Variants in NACA observed in about 807,000 individuals in gnomAD.
NACA encodes nascent polypeptide-associated complex subunit alpha.
NACA carries 42 observed loss-of-function variants against 86.4 expected under a neutral mutation model. That is an observed-to-expected ratio of 0.49 (90% CI 0.38 to 0.63). NACA has a LOEUF of 0.63. NACA is among the 20% of genes least tolerant of loss of function. The pLI is 0.00. For synonymous variants in NACA, 898 were observed against 973.7 expected, an observed-to-expected ratio of 0.92 and a Z score of 1.45; for missense variants, 2,157 against 2,483.6, an observed-to-expected ratio of 0.87 and a Z score of 2.80.
intron 2 of NACA, among the ~76,000 whole-genome samples, chr12:56,722,454 C>A (rs575166407): frequency 8.5e-5 from 13 of 152,176 alleles, no homozygotes; most frequent in Non-Finnish European, 1.8e-4. Flanking sequence ...CTTCGGGATG[C>A]CTGGGAGGGC....
In NACA at chr12:56,718,013, T is replaced by C. The variant is rs1468288438; in HGVS notation, c.3517A>G (p.Thr1173Ala). Residue 1173 changes from threonine (T) to alanine (A), a missense_variant, in exon 3 of 9, where the codon ACA (threonine) becomes GCA (alanine). Physicochemically the swap from Thr to Ala is moderately conservative, Grantham distance 58. Coordinates refer to ENST00000454682, the MANE Select transcript of NACA (RefSeq NM_001365896.1). ...GAAGGAGGAGTTGCAGCTGGGGTTG[T>C]GGGGGCCCCTTTTGGGGGTGGGGTA... The part of the protein sequence containing the change: ...LATPPPKGAP[T>A]TPAATPPSPK... 9.4e-7 allele frequency: 1 copy of C among 1,066,856 alleles called. No homozygotes were observed. The highest frequency in any genetic ancestry group is 1.1e-6 in the Non-Finnish European group (1 of 879,532). 66.1% of individuals were successfully genotyped at this position (1,066,856 alleles called of 1,614,324 possible). A position where few individuals can be genotyped will look rare whatever the true frequency, so the allele number is the denominator to read the frequency against.
Position 56,718,452 on chromosome 12 carries a change from G to T in NACA, c.3078C>A (p.Thr1026=). ...PPSPKGSPAA[T]PFPKGASTPP... is the part of the protein sequence containing the mutation. ...GTGTGGATGCCCCTTTGGGGAATGG[G>T]GTAGCTGCTGGACTTCCTTTGGGGG... Residue 1026 remains threonine (T), a synonymous_variant, in exon 3 of 9, where the codon ACC becomes ACA. Coordinates refer to ENST00000454682, the MANE Select transcript of NACA (RefSeq NM_001365896.1). 1 of 1,237,744 alleles carries T rather than the reference G, an allele frequency of 8.1e-7. No homozygotes were observed. Among genetic ancestry groups the T allele is most frequent in the Non-Finnish European group, 1.0e-6 (1 of 972,908 alleles). 76.7% of individuals were successfully genotyped at this position (1,237,744 alleles called of 1,614,324 possible).
chr12:56,715,181 A>T (rs867669937), intron 3 of NACA, among the ~76,000 whole-genome samples: 5 of 152,236 alleles, frequency 3.3e-5, no homozygotes, highest in Admixed American at 6.5e-5. Context: ...AGACACGTAC[A>T]CATATTCAGC....
chr12:56,715,469 G>A (rs1219598074), intron 3 of NACA, among the ~76,000 whole-genome samples: 2 of 152,068 alleles, frequency 1.3e-5, no homozygotes, highest in Non-Finnish European at 2.9e-5. Context: ...AATACAAATA[G>A]TTCAATTCTC....
At position 56,716,944 on chromosome 12, in the gene NACA, G is replaced by A; in HGVS notation, c.4586C>T (p.Pro1529Leu). The stretch of plus-strand genomic sequence containing the variant: ...CTTTTTAGAGAGAAGAGTCGCTGTT[G>A]GGGCAATGGGGTCCCTTCTGGAGGA... The part of the protein sequence containing the change: ...TPSSRRDPIA[P>L]TATLLSKKTP... The change falls in exon 3 of 9, where the codon CCA (proline) becomes CTA (leucine). Residue 1529 changes from proline (P) to leucine (L), a missense_variant. Pro to Leu is a moderately conservative substitution (Grantham distance 98). Around this residue, in one of 8 missense-constraint regions of NACA, gnomAD observed 797 missense variants for 777.6 expected, o/e 1.02. Transcript: ENST00000454682. 7.7e-7 allele frequency: 1 copy of A among 1,299,762 alleles called. No individual in the cohort carries two copies. The highest frequency in any genetic ancestry group is 1.0e-6 in the Non-Finnish European group (1 of 1,004,126). The allele number at this position is 1,299,762 out of a possible 1,614,324, so 80.5% of individuals were successfully genotyped here.
Position 56,717,303 on chromosome 12 carries a change from A to G in NACA, c.4227T>C (p.Pro1409=). The change falls in exon 3 of 9, where the codon CCT becomes CCC. Residue 1409 remains proline, a synonymous_variant. Coordinates refer to ENST00000454682, the MANE Select transcript of NACA (RefSeq NM_001365896.1). ...KGDPTSPAVI[P]LSPKKAPATP... ...TTGCTGGAGCCTTTTTGGGGGAGAG[A>G]GGAATCACTGCTGGGGAAGTGGGGT... 2 of 1,319,506 alleles carry G rather than the reference A, an allele frequency of 1.5e-6. No individual in the cohort carries two copies. The highest frequency in any genetic ancestry group is 3.6e-5 in the East Asian group (1 of 27,722). 81.7% of individuals were successfully genotyped at this position (1,319,506 alleles called of 1,614,324 possible). A position where few individuals can be genotyped will look rare whatever the true frequency, so the allele number is the denominator to read the frequency against.
rs760450991 is a variant in NACA at position 56,719,968 on chromosome 12, G to C, written c.1562C>G (p.Ser521Ter). 1.2e-6 allele frequency: 2 copies of C among 1,613,892 alleles called. No homozygotes were observed. Among genetic ancestry groups the C allele is most frequent in the Admixed American group, 3.3e-5 (2 of 60,002 alleles). Residue 521 changes from serine to a stop codon, truncating the protein, a stop_gained, in exon 3 of 9, where the codon TCA (serine) becomes TGA (stop). Transcript: ENST00000454682. LOFTEE classifies it high-confidence loss of function. ...DPEDLKNLPSSVLVKFPTQKD... is the reference protein window; with the variant it reads ...DPEDLKNLPS The stretch of plus-strand genomic sequence containing the variant: ...TTGTGTTGGAAATTTAACCAATACT[G>C]AACTGGGGAGATTTTTGAGGTCTTC...
Position 56,719,924 on chromosome 12 carries a change from G to A in NACA, c.1606C>T (p.Pro536Ser). The A allele has an allele frequency of 6.2e-7, 1 of 1,613,940 alleles. No homozygotes were observed. The change falls in exon 3 of 9, where the codon CCT (proline) becomes TCT (serine). Residue 536 changes from proline (P) to serine (S), a missense_variant. Around this residue, in one of 8 missense-constraint regions of NACA, gnomAD observed 947 missense variants for 917.9 expected, o/e 1.03. Coordinates refer to ENST00000454682, the MANE Select transcript of NACA (RefSeq NM_001365896.1). ...AAAGGGGCTCCTTCAAGAGAGGCAGGTACAGTTTGGAGGTCTTTTTGTGTT... is the reference window on the plus strand; with the variant it reads ...AAAGGGGCTCCTTCAAGAGAGGCAGATACAGTTTGGAGGTCTTTTTGTGTT... ...FPTQKDLQTV[P>S]ASLEGAPFSP...
chr12:56,721,504 G>C, intron 2 of NACA, 45 bp from the exon 3 acceptor site: 190 of 1,246,378 alleles, frequency 1.5e-4, no homozygotes, highest in Non-Finnish European at 1.9e-4. Flanking sequence ...AGGGGGAGGA[G>C]AAAAAAGGTG....
Position 56,717,113 on chromosome 12 carries a change from G to T in NACA, c.4417C>A (p.Pro1473Thr). 8.0e-7 allele frequency: 1 copy of T among 1,250,926 alleles called. No individual in the cohort carries two copies. 77.5% of individuals were successfully genotyped at this position (1,250,926 alleles called of 1,614,324 possible). Residue 1473 changes from proline (P) to threonine (T), a missense_variant, in exon 3 of 9, where the codon CCT (proline) becomes ACT (threonine). Coordinates refer to ENST00000454682, the MANE Select transcript of NACA (RefSeq NM_001365896.1). Reference protein sequence around the residue: ...GDPTLPAVTPPSPKEPPAPKQ... With the variant: ...GDPTLPAVTPTSPKEPPAPKQ... Reference sequence around the variant, plus strand: ...GGGGCTGGGGGCTCCTTGGGGGAAGGAGGAGTCACTGCTGGGAGGGTGGGA... The same window carrying T: ...GGGGCTGGGGGCTCCTTGGGGGAAGTAGGAGTCACTGCTGGGAGGGTGGGA...
chr12:56,724,666 C>T, intron 1 of NACA, 143 bp from the exon 2 acceptor site: 3 of 784,058 alleles, frequency 3.8e-6, no homozygotes, highest in Non-Finnish European at 6.2e-6. Flanking sequence ...TTCCCCAAAG[C>T]ACCTGGGAAT....
At position 56,721,468 on chromosome 12, in the gene NACA, AG is replaced by A; in HGVS notation, c.71-10del. 6.8e-7 allele frequency: 1 copy of A among 1,475,836 alleles called. No homozygotes were observed. 91.4% of individuals were successfully genotyped at this position (1,475,836 alleles called of 1,614,324 possible). A position where few individuals can be genotyped will look rare whatever the true frequency, so the allele number is the denominator to read the frequency against. ...AGACATAGGTAGCACAGCTGGAGAA[AG>A]GCAAAAGGAGATAAAGAAAGGGGGA... On this transcript the variant is annotated splice_polypyrimidine_tract_variant and intron_variant, in intron 2 of 8. Transcript: ENST00000454682.
rs746461737 is a variant in NACA, at chr12:56,719,370, AGGAGCACAGGTATTCTGGGGGGAT to A, written c.2136_2159del (p.Ser713_Pro720del). ...CAGGGGCCAGCACTAAGGTAGCCAG[AGGAGCACAGGTATTCTGGGGGGAT>A]GGAGCCACAGGGCAATTTTCTGAAG... On this transcript the variant is annotated inframe_deletion, in exon 3 of 9. Transcript: ENST00000454682. 112 of 1,610,522 alleles carry A rather than the reference AGGAGCACAGGTATTCTGGGGGGAT, an allele frequency of 7.0e-5. No homozygotes were observed. Among genetic ancestry groups the A allele is most frequent in the Middle Eastern group, 1.6e-4 (1 of 6,072 alleles).
At position 56,719,692 on chromosome 12, in the gene NACA, C is replaced by G; in HGVS notation, c.1838G>C (p.Gly613Ala). 6.2e-7 allele frequency: 1 copy of G among 1,613,860 alleles called. No individual in the cohort carries two copies. Among genetic ancestry groups the G allele is most frequent in the South Asian group, 1.1e-5 (1 of 91,082 alleles). The change falls in exon 3 of 9, where the codon GGT becomes GCT. Residue 613 changes from glycine to alanine, a missense_variant. Physicochemically the swap from Gly to Ala is moderately conservative, Grantham distance 60. Around this residue, in one of 8 missense-constraint regions of NACA, gnomAD observed 947 missense variants for 917.9 expected, o/e 1.03. Coordinates refer to ENST00000454682, the MANE Select transcript of NACA (RefSeq NM_001365896.1). The part of the protein sequence containing the change: ...KPASSMTSPL[G>A]VNSSASVIKT... ...GATTACAGAGGCCGAGGAGTTAACA[C>G]CCAGAGGGGAGGTCATACTGCTGGC...
rs548453622 is a variant in NACA, at chr12:56,715,972, A to G, written c.5558T>C (p.Val1853Ala). The change falls in exon 3 of 9, where the codon GTG becomes GCG. Residue 1853 changes from valine to alanine, a missense_variant. Transcript: ENST00000454682. Reference protein sequence around the residue: ...LIPPEPISGGVPFQSVLVNMP... With the variant: ...LIPPEPISGGAPFQSVLVNMP... ...GTTGACGAGGACCGACTGGAAAGGC[A>G]CTCCCCCAGAGATTGGTTCCGGGGG... is the stretch of plus-strand genomic sequence containing the variant. 1.4e-5 allele frequency: 22 copies of G among 1,560,266 alleles called. No homozygotes were observed. The East Asian group carries it at 5.0e-4, about 35-fold the overall frequency.
rs770273340 is a variant in NACA at position 56,718,342 on chromosome 12, G to A, written c.3188C>T (p.Thr1063Ile). 1.6e-5 allele frequency: 19 copies of A among 1,162,978 alleles called. No homozygotes were observed. Among genetic ancestry groups the A allele is most frequent in the Non-Finnish European group, 2.0e-5 (19 of 927,380 alleles). 72.0% of individuals were successfully genotyped at this position (1,162,978 alleles called of 1,614,324 possible). Residue 1063 changes from threonine (T) to isoleucine (I), a missense_variant, in exon 3 of 9, where the codon ACT (threonine) becomes ATT (isoleucine). This residue lies in a region of NACA where 124 missense variants were observed against 186.5 expected (regional missense o/e 0.66). Coordinates refer to ENST00000454682, the MANE Select transcript of NACA (RefSeq NM_001365896.1). ...PKGAPTTPAA[T>I]LPSPKGGPAT... ...TGGACCTCCTTTTGGGGAGGGAAGA[G>A]TTGCAGCTGGGGTTGTGGGGGCCCC...
chr12:56,713,391 A>G, intron 6 of NACA, 146 bp downstream of exon 6: 2 of 1,246,916 alleles, frequency 1.6e-6, no homozygotes, highest in Non-Finnish European at 2.2e-6. Flanking sequence ...CTCCCAGGAG[A>G]TATATGGCAA....
At position 56,718,630 on chromosome 12, in the gene NACA, G is replaced by T; in HGVS notation, c.2900C>A (p.Ala967Asp). 7.5e-7 allele frequency: 1 copy of T among 1,329,420 alleles called. No homozygotes were observed. Among genetic ancestry groups the T allele is most frequent in the Admixed American group, 2.7e-5 (1 of 37,608 alleles). 82.4% of individuals were successfully genotyped at this position (1,329,420 alleles called of 1,614,324 possible). ...PSPKWAPTPP[A>D]ATPPSPKGGP... ...TCCTTTTGGGGAGGGAGGAGTTGCA[G>T]CTGGGGGTGTGGGGGCCCATTTCGG... Residue 967 changes from alanine to aspartate, a missense_variant, in exon 3 of 9, where the codon GCT (alanine) becomes GAT (aspartate). By Grantham distance (126) the Ala-to-Asp change is moderately radical. Transcript: ENST00000454682.
rs549642565 is a variant in NACA at position 56,712,584 on chromosome 12, T to G, written c.6223-32A>C. ...CAGAGAAAAGATAATTAGCGGTTCT[T>G]ATAGGCAAATCAGGAGAATTCAGGT... is the stretch of plus-strand genomic sequence containing the variant. On this transcript the variant is annotated intron_variant, in intron 8 of 8. Coordinates refer to ENST00000454682, the MANE Select transcript of NACA (RefSeq NM_001365896.1). The G allele has an allele frequency of 2.1e-4, 339 of 1,612,552 alleles. 4 individuals carry two copies. In the South Asian group the frequency reaches 3.5e-3, roughly 17 times the overall value.
Sources: allele counts gnomAD v4.1 joint callset (sites outside exome capture counted in the v4.1 genomes callset), GRCh38; gene constraint gnomAD v4.1.1; regional missense constraint gnomAD v4.1.1; transcripts MANE v1.5; gene names NCBI Gene and HGNC (gene_info 2026-07-23, HGNC 2026-07-21).